Variants in XRN2 observed in about 807,000 individuals in gnomAD.
XRN2 encodes 5'-3' exoribonuclease 2, also known as DHM1-like protein.
XRN2 carries 44 observed loss-of-function variants against 138.5 expected under a neutral mutation model. The ratio of observed to expected loss-of-function variants is 0.32; its 90% CI spans 0.25 to 0.41. The LOEUF is 0.41. XRN2 is among the 10% of genes least tolerant of loss of function. XRN2 has a pLI of 1.00. For synonymous variants in XRN2, 354 were observed against 369.4 expected (o/e 0.96, Z 0.48); for missense variants, 937 against 1,169.3 (o/e 0.80, Z 2.90).
chr20:21,306,467 G>A lies in XRN2; in HGVS notation c.75+2994G>A, dbSNP rs1158877502. On this transcript the variant is annotated intron_variant, in intron 1 of 29. Coordinates refer to ENST00000377191, the MANE Select transcript of XRN2 (RefSeq NM_012255.5). ...CCAGTTTTAATATTAGGTTCCCTCAGAACTTTGAAAGAAATTGTTCTTTTG... is the reference window on the plus strand; with the variant it reads ...CCAGTTTTAATATTAGGTTCCCTCAAAACTTTGAAAGAAATTGTTCTTTTG... Among the ~76,000 whole-genome samples the A allele has an allele frequency of 8.0e-5, 6 of 75,112 alleles. 3 individuals are homozygous for A. The highest frequency in any genetic ancestry group is 1.9e-4 in the Non-Finnish European group (6 of 32,092). 49.3% of individuals were successfully genotyped at this position (75,112 alleles called of 152,430 possible).
intron 1 of XRN2, among the ~76,000 whole-genome samples, chr20:21,315,211 A>G (rs1311789441): frequency 2.6e-5 from 4 of 152,192 alleles, no homozygotes; most frequent in Admixed American, 1.3e-4. Flanking sequence ...GTTCTTCCCT[A>G]TTTCAGGATA....
chr20:21,364,487 C>G (rs1210084222), intron 24 of XRN2, among the ~76,000 whole-genome samples: 1 of 152,134 alleles, frequency 6.6e-6, no homozygotes, highest in Non-Finnish European at 1.5e-5. Flanking sequence ...AGCTTATACT[C>G]AAAGCCTGAG....
chr20:21,334,953 C>T (rs1328821253), intron 13 of XRN2, among the ~76,000 whole-genome samples: 1 of 152,162 alleles, frequency 6.6e-6, no homozygotes, highest in African/African-American at 2.4e-5. Flanking sequence ...GAACCATTAA[C>T]TAATGGAAGA....
chr20:21,321,451 C>CT (rs906421094), intron 1 of XRN2, among the ~76,000 whole-genome samples: 1 of 151,792 alleles, frequency 6.6e-6, no homozygotes, highest in Non-Finnish European at 1.5e-5. Flanking sequence ...CCTTAATCTC[C>CT]TAGGTAGCTG....
intron 23 of XRN2, 72 bp from the exon 24 acceptor site, chr20:21,357,664 C>A: frequency 8.1e-7 from 1 of 1,239,130 alleles, no homozygotes; most frequent in Non-Finnish European, 1.1e-6. Flanking sequence ...ACAAACATAG[C>A]AACATCTTAT....
intron 24 of XRN2, among the ~76,000 whole-genome samples, chr20:21,362,882 A>G (rs1324287992): frequency 6.6e-6 from 1 of 152,118 alleles, no homozygotes; most frequent in African/African-American, 2.4e-5. Flanking sequence ...GAGAATTGAG[A>G]ATGTACTCAC....
At chr20:21,380,482 A>T (rs956328790) in intron 27 of XRN2, among the ~76,000 whole-genome samples, 15 of 152,244 alleles carry the variant, frequency 9.9e-5, no homozygotes, top group African/African-American at 3.4e-4. Flanking sequence ...CAGAAAATTG[A>T]TTTTCTGATA....
chr20:21,346,426 C>T lies in XRN2; in HGVS notation c.1541C>T (p.Ala514Val), dbSNP rs1401597825. The T allele has an allele frequency of 6.2e-7, 1 of 1,614,030 alleles. No homozygotes were observed. Among genetic ancestry groups the T allele is most frequent in the Admixed American group, 1.7e-5 (1 of 59,992 alleles). Reference protein sequence around the residue: ...EPEDNVRLWEAGWKQRYYKNK... With the variant: ...EPEDNVRLWEVGWKQRYYKNK... Reference sequence around the variant, plus strand: ...GTGCCTGGTTTTAGGTTATGGGAAGCTGGCTGGAAGCAGCGGTACTACAAG... The same window carrying T: ...GTGCCTGGTTTTAGGTTATGGGAAGTTGGCTGGAAGCAGCGGTACTACAAG... Residue 514 changes from alanine (A) to valine (V), a missense_variant, in exon 17 of 30, where the codon GCT (alanine) becomes GTT (valine). Ala to Val is a moderately conservative substitution (Grantham distance 64). This residue lies in a region of XRN2 where 471 missense variants were observed against 581.2 expected (regional missense o/e 0.81). Coordinates refer to ENST00000377191, the MANE Select transcript of XRN2 (RefSeq NM_012255.5).
At chr20:21,325,057 A>G (rs2038105267) in intron 1 of XRN2, among the ~76,000 whole-genome samples, 1 of 152,240 alleles carries the variant, frequency 6.6e-6, no homozygotes, top group Non-Finnish European at 1.5e-5. Context: ...TAGACTTTTC[A>G]TATAAATGGG....
intron 27 of XRN2, among the ~76,000 whole-genome samples, chr20:21,378,726 A>G (rs2038851530): frequency 6.6e-6 from 1 of 152,210 alleles, no homozygotes. Context: ...TAAGCCATTT[A>G]TTCAGTCTAA....
At chr20:21,387,737 A>G (rs904037406) in intron 29 of XRN2, among the ~76,000 whole-genome samples, 1 of 152,190 alleles carries the variant, frequency 6.6e-6, no homozygotes, top group African/African-American at 2.4e-5. Flanking sequence ...GATTCAGAGT[A>G]ATGTGTATGG....
Position 21,330,721 on chromosome 20 carries a change from TG to T in XRN2, c.576+17del. On this transcript the variant is annotated intron_variant, in intron 6 of 29. Transcript: ENST00000377191. ...AAATTTGACAGTAAGTTTCACATTT[TG>T]ATACTTCAGAAAGATTAGGGTGATC... 1 of 1,603,478 alleles carries T rather than the reference TG, an allele frequency of 6.2e-7. No homozygotes were observed. The highest frequency in any genetic ancestry group is 8.5e-7 in the Non-Finnish European group (1 of 1,172,348).
intron 21 of XRN2, among the ~76,000 whole-genome samples, chr20:21,355,532 A>C (rs2038565374): frequency 6.6e-6 from 1 of 152,286 alleles, no homozygotes; most frequent in African/African-American, 2.4e-5. Context: ...TACTAAGAAA[A>C]TGAGTTTATT....
intron 26 of XRN2, among the ~76,000 whole-genome samples, chr20:21,367,537 C>T (rs1264105450): frequency 6.6e-6 from 1 of 150,780 alleles, no homozygotes; most frequent in African/African-American, 2.4e-5. Context: ...TTTTTAACCA[C>T]TTAATATACT....
intron 1 of XRN2, among the ~76,000 whole-genome samples, chr20:21,313,057 G>C (rs891053516): frequency 6.6e-6 from 1 of 152,244 alleles, no homozygotes; most frequent in Non-Finnish European, 1.5e-5. Context: ...GGCCAGATAA[G>C]TTGGCAACCT....
Position 21,333,576 on chromosome 20 carries a change from A to G in XRN2, c.891A>G (p.Ala297=). The G allele has an allele frequency of 2.5e-6, 4 of 1,613,744 alleles. No individual in the cohort carries two copies. The highest frequency in any genetic ancestry group is 2.5e-6 in the Non-Finnish European group (3 of 1,179,614). ...HDELADSLPC[A]EGEFIFLRLN... is the part of the protein sequence containing the mutation. ...AACTTGCCGATAGTCTTCCTTGTGCAGAAGGAGAGTTTATCTTCCTTCGGC... is the reference window on the plus strand; with the variant it reads ...AACTTGCCGATAGTCTTCCTTGTGCGGAAGGAGAGTTTATCTTCCTTCGGC... Residue 297 remains alanine, a synonymous_variant, in exon 10 of 30, where the codon GCA becomes GCG. Transcript: ENST00000377191.
At chr20:21,385,205 A>G (rs1172174000) in intron 28 of XRN2, among the ~76,000 whole-genome samples, 1 of 152,190 alleles carries the variant, frequency 6.6e-6, no homozygotes, top group Non-Finnish European at 1.5e-5. Flanking sequence ...ACTCAATTGA[A>G]TTTTATTATT....
chr20:21,365,887 A>T (rs1481203385), intron 26 of XRN2, among the ~76,000 whole-genome samples, 183 bp downstream of exon 26: 1 of 84,584 alleles, frequency 1.2e-5, no homozygotes, highest in Non-Finnish European at 2.5e-5. Context: ...AATATTATAT[A>T]ATATATAATT....
intron 14 of XRN2, among the ~76,000 whole-genome samples, chr20:21,339,943 T>C (rs1342896227): frequency 6.6e-6 from 1 of 152,152 alleles, no homozygotes; most frequent in African/African-American, 2.4e-5. Flanking sequence ...AAAAGTAGAG[T>C]TATTTATTGT....
Sources: gnomAD v4.1 joint callset for allele counts (sites outside exome capture counted in the v4.1 genomes callset) on GRCh38, gnomAD v4.1.1 for gene constraint, gnomAD v4.1.1 regional missense constraint, MANE v1.5 for transcripts, NCBI Gene and HGNC (gene_info 2026-07-23, HGNC 2026-07-21) for gene names.